NRG1: variants seen among roughly 807,000 people sequenced by gnomAD.
NRG1 encodes neuregulin 1.
Under a neutral mutation model 63.8 loss-of-function variants are expected in NRG1, and 18 were observed. The ratio of observed to expected loss-of-function variants is 0.28; its 90% CI spans 0.19 to 0.42. The LOEUF is 0.42. Among genes scored for constraint, NRG1 ranks in the 10% least tolerant of loss-of-function variants. The pLI is 1.00. For synonymous variants in NRG1, 302 were observed against 301.3 expected (o/e 1.00, Z -0.02); for missense variants, 762 against 814.7 (o/e 0.94, Z 0.79).
chr8:32,437,185 A>C (rs146467453), intron 1 of NRG1, among the ~76,000 whole-genome samples: 2 of 151,992 alleles, frequency 1.3e-5, no homozygotes, highest in Non-Finnish European at 2.9e-5. Context: ...ACACCTACCT[A>C]CCTACCTACC....
chr8:31,916,879 T>TTTTTAA (rs1833437815), intron 1 of NRG1, among the ~76,000 whole-genome samples: 1 of 151,760 alleles, frequency 6.6e-6, no homozygotes, highest in South Asian at 2.1e-4. Context: ...CTTTCCTGAC[T>TTTTTAA]TTTTAATGAT....
intron 1 of NRG1, among the ~76,000 whole-genome samples, chr8:32,407,319 T>TATATATATATATATA (rs71208179): frequency 8.2e-4 from 3 of 3,654 alleles, no homozygotes; most frequent in Admixed American, 3.6e-3. Flanking sequence ...TATATATATA[T>TATATATATATATATA]TATATATATA....
chr8:32,201,163 T>G (rs1296372543), intron 1 of NRG1, among the ~76,000 whole-genome samples: 1 of 152,186 alleles, frequency 6.6e-6, no homozygotes, highest in Non-Finnish European at 1.5e-5. Flanking sequence ...CATTTTATCT[T>G]CCAAAATATT....
rs1182999571 is a variant in NRG1 at position 31,732,622 on chromosome 8, G to A, written c.37+93191G>A. On this transcript the variant is annotated intron_variant, in intron 1 of 10. Transcript: ENST00000519301. ...ATAACATATATTGGCCAGAGACAGT[G>A]TCTCCTGCCTAGAATCCCAGCACTT... Among the ~76,000 whole-genome samples, 5 of 152,272 alleles carry A rather than the reference G, an allele frequency of 3.3e-5. 1 individual carries two copies. In the South Asian group the frequency reaches 8.3e-4, roughly 25 times the overall value.
chr8:31,840,304 AAATC>A (rs1826071370), intron 1 of NRG1, among the ~76,000 whole-genome samples: 2 of 150,248 alleles, frequency 1.3e-5, no homozygotes, highest in Middle Eastern at 3.4e-3. Context: ...TAAATAAGAT[AAATC>A]ATCTGTGAAG....
At chr8:32,410,548 C>G (rs921810382) in intron 1 of NRG1, among the ~76,000 whole-genome samples, 1 of 152,108 alleles carries the variant, frequency 6.6e-6, no homozygotes, top group Non-Finnish European at 1.5e-5. Flanking sequence ...AATAAGTATT[C>G]AAAATTCTTA....
intron 2 of NRG1, among the ~76,000 whole-genome samples, chr8:32,598,976 T>A (rs1349366048): frequency 6.6e-6 from 1 of 152,080 alleles, no homozygotes. Flanking sequence ...AAGCTGAGTT[T>A]CTTCCTGTAG....
intron 1 of NRG1, among the ~76,000 whole-genome samples, chr8:32,101,094 G>C (rs564667484): frequency 1.2e-4 from 18 of 152,162 alleles, no homozygotes; most frequent in Non-Finnish European, 2.1e-4. Flanking sequence ...ACCCCAAATA[G>C]AATATGTAAC....
At position 32,760,780 on chromosome 8, in the gene NRG1, A is replaced by G. The variant is rs1014616889; in HGVS notation, c.1259+374A>G. ...TGATAAGGACCCTTCTATAATTCCA[A>G]TTGCCAGTTATCCAAACTCTGATTC... On this transcript the variant is annotated intron_variant, in intron 11 of 11. Transcript: ENST00000356819. 12 of 1,011,958 alleles carry G rather than the reference A, an allele frequency of 1.2e-5. No homozygotes were observed. In the Admixed American group the frequency reaches 2.6e-4, roughly 22 times the overall value. 62.7% of individuals were successfully genotyped at this position (1,011,958 alleles called of 1,614,324 possible). A position where few individuals can be genotyped will look rare whatever the true frequency, so the allele number is the denominator to read the frequency against.
intron 5 of NRG1, among the ~76,000 whole-genome samples, chr8:32,637,218 C>T (rs1851504412): frequency 6.6e-6 from 1 of 151,990 alleles, no homozygotes; most frequent in African/African-American, 2.4e-5. Flanking sequence ...GAGTGTCTAC[C>T]CATTTATCTA....
chr8:32,435,972 A>G (rs1013433859), intron 1 of NRG1, among the ~76,000 whole-genome samples: 8 of 152,152 alleles, frequency 5.3e-5, no homozygotes, highest in African/African-American at 1.7e-4. Flanking sequence ...ACCATTTTCC[A>G]TTCTTTGAAA....
chr8:32,113,082 TGGGCAGGCCACATACC>T (rs1228708909), intron 1 of NRG1, among the ~76,000 whole-genome samples: 1 of 152,146 alleles, frequency 6.6e-6, no homozygotes, highest in Non-Finnish European at 1.5e-5. Flanking sequence ...GCTGTACCAC[TGGGCAGGCCACATACC>T]ACGAAGTTGA....
chr8:32,161,307 G>C (rs1037768617), intron 1 of NRG1, among the ~76,000 whole-genome samples: 1 of 152,192 alleles, frequency 6.6e-6, no homozygotes, highest in Non-Finnish European at 1.5e-5. Context: ...TTGGCAGAGA[G>C]AGACTCATTG....
chr8:31,896,067 A>G (rs1253992709), intron 1 of NRG1, among the ~76,000 whole-genome samples: 1 of 152,162 alleles, frequency 6.6e-6, no homozygotes, highest in Non-Finnish European at 1.5e-5. Flanking sequence ...TTTCAGTAAA[A>G]TTAAATTGTT....
At chr8:32,326,307 CTTTTTTTTTTTTT>C (rs745434807) in intron 1 of NRG1, among the ~76,000 whole-genome samples, 1 of 101,412 alleles carries the variant, frequency 9.9e-6, no homozygotes, top group Non-Finnish European at 2.0e-5. Flanking sequence ...TGTGCCCAGG[CTTTTTTTTTTTTT>C]TTTTTTTTTG....
chr8:32,521,161 C>T (rs996397752), intron 1 of NRG1, among the ~76,000 whole-genome samples: 3 of 152,132 alleles, frequency 2.0e-5, no homozygotes, highest in African/African-American at 7.2e-5. Context: ...TCCATGGTTT[C>T]TGGCATCCAC....
chr8:32,004,257 A>T (rs978755631), intron 1 of NRG1, among the ~76,000 whole-genome samples: 2 of 151,800 alleles, frequency 1.3e-5, no homozygotes, highest in African/African-American at 4.8e-5. Flanking sequence ...GTGGATGGGG[A>T]GGGAAATGGG....
chr8:32,002,983 GCTTGTAGCTGAACAAAAT>G (rs764704223), intron 1 of NRG1, among the ~76,000 whole-genome samples: 9 of 151,922 alleles, frequency 5.9e-5, no homozygotes, highest in Non-Finnish European at 1.2e-4. Context: ...TCTATTGTAT[GCTTGTAGCTGAACAAAAT>G]TTTTAACCCA....
intron 1 of NRG1, among the ~76,000 whole-genome samples, chr8:31,776,434 AC>A (rs1481334608): frequency 6.6e-6 from 1 of 152,126 alleles, no homozygotes; most frequent in Admixed American, 6.5e-5. Flanking sequence ...GAACTCTTGA[AC>A]TTGAGCAAGT....
Sources: gnomAD v4.1 joint callset for allele counts (sites outside exome capture counted in the v4.1 genomes callset) on GRCh38, gnomAD v4.1.1 for gene constraint, MANE v1.5 for transcripts, NCBI Gene and HGNC (gene_info 2026-07-23, HGNC 2026-07-21) for gene names.